ZNF212: variants seen among roughly 807,000 people sequenced by gnomAD.
ZNF212 encodes the protein zinc finger protein 212.
ZNF212 carries 32 observed loss-of-function variants against 47.3 expected under a neutral mutation model. That is an observed-to-expected ratio of 0.68 (90% CI 0.51 to 0.91). The LOEUF is 0.91. Ranked by LOEUF, ZNF212 falls within the 40% of genes least tolerant of loss-of-function variation. ZNF212 has a pLI of 0.00. For missense variants in ZNF212, 555 were observed against 622.8 expected, an observed-to-expected ratio of 0.89 and a Z score of 1.16; for synonymous variants, 242 against 253.8, an observed-to-expected ratio of 0.95 and a Z score of 0.44.
chr7:149,244,587 A>G (rs948900805), intron 1 of ZNF212, among the ~76,000 whole-genome samples: 1 of 152,250 alleles, frequency 6.6e-6, no homozygotes, highest in Non-Finnish European at 1.5e-5. Flanking sequence ...GGCTGGAATT[A>G]TGGGCGTGAG....
At chr7:149,249,842 T>A (rs373757450) in intron 1 of ZNF212, among the ~76,000 whole-genome samples, 1 of 152,214 alleles carries the variant, frequency 6.6e-6, no homozygotes, top group South Asian at 2.1e-4. Context: ...TTGGCCAGGC[T>A]GGTGTCAAAC....
At chr7:149,250,015 A>G (rs955074659) in intron 1 of ZNF212, 144 bp from the exon 2 acceptor site, 11 of 669,454 alleles carry the variant, frequency 1.6e-5, no homozygotes, top group African/African-American at 1.1e-4. Context: ...TACAATATCT[A>G]TGTATAATTT....
At chr7:149,247,033 A>T (rs1796688913) in intron 1 of ZNF212, among the ~76,000 whole-genome samples, 1 of 146,132 alleles carries the variant, frequency 6.8e-6, no homozygotes, top group Admixed American at 6.8e-5. Flanking sequence ...GCTGGTCTCG[A>T]ACTCCCAACC....
intron 1 of ZNF212, among the ~76,000 whole-genome samples, chr7:149,248,684 A>G (rs1796711025): frequency 6.6e-6 from 1 of 152,242 alleles, no homozygotes; most frequent in Non-Finnish European, 1.5e-5. Context: ...TCACAGACTT[A>G]AAGTAGAAGC....
chr7:149,239,956 C>T lies in ZNF212; in HGVS notation c.24+154C>T, dbSNP rs564472687. 50 of 868,194 alleles carry T rather than the reference C, an allele frequency of 5.8e-5. 1 individual carries two copies. In the East Asian group the frequency reaches 7.0e-4, roughly 12 times the overall value. 53.8% of individuals were successfully genotyped at this position (868,194 alleles called of 1,614,324 possible). On this transcript the variant is annotated intron_variant, in intron 1 of 4. Coordinates refer to ENST00000335870, the MANE Select transcript of ZNF212 (RefSeq NM_012256.4). ...AACGCGGACCCTCCTCTTCGCGACC[C>T]CAGTGCTCTGCCCTTTTTTCCCTCC...
rs749707606 is a variant in ZNF212 at position 149,250,204 on chromosome 7, C to T, written c.70C>T (p.Pro24Ser). The T allele has an allele frequency of 1.1e-5, 18 of 1,566,026 alleles. No homozygotes were observed. Among genetic ancestry groups the T allele is most frequent in the Middle Eastern group, 1.7e-4 (1 of 5,786 alleles). The change falls in exon 2 of 5, where the codon CCT becomes TCT. Residue 24 changes from proline to serine, a missense_variant. Transcript: ENST00000335870. ...RSTPLTSSTL[P>S]SQATEKSSYF... ...CACACCTTTAACTTCTTCCACACTT[C>T]CTTCACAAGCAACAGAGAAAAGCTC...
At chr7:149,244,358 A>G (rs1266907920) in intron 1 of ZNF212, among the ~76,000 whole-genome samples, 3 of 151,920 alleles carry the variant, frequency 2.0e-5, no homozygotes, top group East Asian at 3.9e-4. Flanking sequence ...TGTTGCCCAG[A>G]CTGGAGTGCA....
chr7:149,241,465 C>G (rs754391660), intron 1 of ZNF212, among the ~76,000 whole-genome samples: 3 of 149,594 alleles, frequency 2.0e-5, no homozygotes, highest in Non-Finnish European at 4.4e-5. Flanking sequence ...CCACCACAAT[C>G]CCAAACTATG....
intron 3 of ZNF212, chr7:149,251,180 C>CTTT: frequency 4.2e-6 from 1 of 240,640 alleles, no homozygotes; most frequent in South Asian, 4.3e-5. Context: ...TTTATTTTAT[C>CTTT]TTTTTTTTTT....
rs1796794135 is a variant in ZNF212 at position 149,253,775 on chromosome 7, G to A, written c.848G>A (p.Arg283Lys). The change falls in exon 5 of 5, where the codon AGA becomes AAA. Residue 283 changes from arginine to lysine, a missense_variant. Arg to Lys is a conservative substitution (Grantham distance 26). Transcript: ENST00000335870. ...PVGSRVPSSS[R>K]TVGCPKQKSH... ...GGTAGTAGAGTTCCTAGCAGCAGCAGAACTGTGGGCTGCCCGAAGCAGAAA... is the reference window on the plus strand; with the variant it reads ...GGTAGTAGAGTTCCTAGCAGCAGCAAAACTGTGGGCTGCCCGAAGCAGAAA... 1 of 1,614,000 alleles carries A rather than the reference G, an allele frequency of 6.2e-7. No individual in the cohort carries two copies. The highest frequency in any genetic ancestry group is 1.3e-5 in the African/African-American group (1 of 74,930).
chr7:149,240,383 C>CCA, intron 1 of ZNF212, among the ~76,000 whole-genome samples: 2 of 97,062 alleles, frequency 2.1e-5, no homozygotes, highest in Non-Finnish European at 4.5e-5. Flanking sequence ...CTCTCCTTCA[C>CCA]CCCCCCCCCA....
intron 1 of ZNF212, among the ~76,000 whole-genome samples, chr7:149,249,754 A>G (rs1322673363): frequency 6.6e-6 from 1 of 152,154 alleles, no homozygotes; most frequent in Non-Finnish European, 1.5e-5. Context: ...CAGTGCCCCA[A>G]GTACCTGGGA....
intron 1 of ZNF212, among the ~76,000 whole-genome samples, chr7:149,242,002 CTTCT>C (rs746679691): frequency 2.1e-5 from 3 of 145,130 alleles, no homozygotes; most frequent in Non-Finnish European, 3.0e-5. Flanking sequence ...TCTTTCTTTT[CTTCT>C]TTTTCTTTTC....
chr7:149,240,608 A>C (rs1210159573), intron 1 of ZNF212, among the ~76,000 whole-genome samples: 1 of 152,160 alleles, frequency 6.6e-6, no homozygotes, highest in Non-Finnish European at 1.5e-5. Flanking sequence ...CAAGGCTTTA[A>C]GTTTCCTTCC....
intron 1 of ZNF212, among the ~76,000 whole-genome samples, chr7:149,244,406 G>A (rs543662673): frequency 1.4e-3 from 219 of 152,018 alleles, no homozygotes; most frequent in Middle Eastern, 0.01. Context: ...TCCGCCTCCC[G>A]GGTTCATGCC....
chr7:149,253,895 T>A lies in ZNF212; in HGVS notation c.968T>A (p.Ile323Asn). The change falls in exon 5 of 5, where the codon ATC becomes AAC. Residue 323 changes from isoleucine (I) to asparagine (N), a missense_variant. Coordinates refer to ENST00000335870, the MANE Select transcript of ZNF212 (RefSeq NM_012256.4). The part of the protein sequence containing the change: ...SRPYECSECE[I>N]TFRYKQQLAT... ...CCCTACGAATGTTCTGAGTGTGAGA[T>A]CACCTTCCGCTATAAGCAGCAGCTG... is the stretch of plus-strand genomic sequence containing the variant. The A allele has an allele frequency of 6.2e-7, 1 of 1,613,918 alleles. No homozygotes were observed. The highest frequency in any genetic ancestry group is 8.5e-7 in the Non-Finnish European group (1 of 1,179,992).
intron 1 of ZNF212, among the ~76,000 whole-genome samples, chr7:149,246,377 T>C (rs1046093265): frequency 2.0e-5 from 3 of 151,864 alleles, no homozygotes; most frequent in South Asian, 2.1e-4. Context: ...TATCCCTTTA[T>C]AATCAGTCTT....
At chr7:149,242,002 C>G (rs1459501697) in intron 1 of ZNF212, among the ~76,000 whole-genome samples, 1 of 145,138 alleles carries the variant, frequency 6.9e-6, no homozygotes, top group Non-Finnish European at 1.5e-5. Context: ...TCTTTCTTTT[C>G]TTCTTTTTCT....
intron 1 of ZNF212, among the ~76,000 whole-genome samples, chr7:149,241,763 G>A: frequency 6.6e-6 from 1 of 152,166 alleles, no homozygotes; most frequent in East Asian, 1.9e-4. Flanking sequence ...TGGTGTTTAT[G>A]ATTCAAGGGA....
Sources: allele counts gnomAD v4.1 joint callset (sites outside exome capture counted in the v4.1 genomes callset), GRCh38; gene constraint gnomAD v4.1.1; transcripts MANE v1.5; gene names NCBI Gene and HGNC (gene_info 2026-07-23, HGNC 2026-07-21).